Variants in PABPC4L observed in about 807,000 individuals in gnomAD.
The protein encoded by PABPC4L is polyadenylate-binding protein 4-like.
For missense variants in PABPC4L, 452 were observed against 451.4 expected (o/e 1.00, Z -0.01); for synonymous variants, 169 against 164.1 (o/e 1.03, Z -0.23).
chr4:134,024,157 T>G, the PABPC4L span, among the ~76,000 whole-genome samples: 3 of 152,118 alleles, frequency 2.0e-5, no homozygotes, highest in East Asian at 1.9e-4. Flanking sequence ...CCAGGTGCAT[T>G]TTTCAAACTC....
At chr4:134,062,931 C>T in the PABPC4L span, among the ~76,000 whole-genome samples, 3 of 152,018 alleles carry the variant, frequency 2.0e-5, no homozygotes, top group Non-Finnish European at 4.4e-5. Flanking sequence ...CATTTCACCA[C>T]AATGTTAATG....
At chr4:134,122,365 A>T in the PABPC4L span, among the ~76,000 whole-genome samples, 1 of 151,948 alleles carries the variant, frequency 6.6e-6, no homozygotes, top group Non-Finnish European at 1.5e-5. Context: ...TAACTTAAAA[A>T]TTATTTTACA....
chr4:134,176,238 T>G, the PABPC4L span, among the ~76,000 whole-genome samples: 15 of 152,070 alleles, frequency 9.9e-5, no homozygotes, highest in African/African-American at 3.4e-4. Context: ...AATAGAAAAC[T>G]CAAGTTATAT....
the PABPC4L span, among the ~76,000 whole-genome samples, chr4:134,072,049 G>A: frequency 6.6e-6 from 1 of 151,794 alleles, no homozygotes; most frequent in African/African-American, 2.4e-5. Context: ...TAATTCAATA[G>A]AACATTGTTC....
the PABPC4L span, among the ~76,000 whole-genome samples, chr4:134,184,038 TTAAG>T: frequency 6.6e-6 from 1 of 151,754 alleles, no homozygotes; most frequent in African/African-American, 2.4e-5. Context: ...CAAGACAATC[TTAAG>T]TAAGAAGAAA....
the PABPC4L span, among the ~76,000 whole-genome samples, chr4:134,112,632 A>C: frequency 6.6e-6 from 1 of 151,450 alleles, no homozygotes; most frequent in African/African-American, 2.4e-5. Context: ...CTATCTATAT[A>C]TCATCTATCT....
the PABPC4L span, among the ~76,000 whole-genome samples, chr4:134,000,557 C>G: frequency 6.6e-6 from 1 of 152,094 alleles, no homozygotes; most frequent in South Asian, 2.1e-4. Flanking sequence ...TTTTACGTGT[C>G]AAATTAACTG....
chr4:133,997,230 T>C, the PABPC4L span, among the ~76,000 whole-genome samples: 1 of 152,092 alleles, frequency 6.6e-6, no homozygotes, highest in African/African-American at 2.4e-5. Flanking sequence ...TCGCTTTAAA[T>C]CAAAAGCCAG....
At chr4:133,981,207 G>T in the PABPC4L span, among the ~76,000 whole-genome samples, 1 of 151,998 alleles carries the variant, frequency 6.6e-6, no homozygotes, top group African/African-American at 2.4e-5. Flanking sequence ...CCACTATGTT[G>T]AGTAAAGTTA....
At chr4:134,100,897 G>A in the PABPC4L span, among the ~76,000 whole-genome samples, 1 of 151,388 alleles carries the variant, frequency 6.6e-6, no homozygotes, top group African/African-American at 2.4e-5. Context: ...CTTTAATGGA[G>A]AATTTATTTA....
the PABPC4L span, among the ~76,000 whole-genome samples, chr4:134,150,698 G>A: frequency 0.7 from 105,677 of 151,960 alleles, 38,098 homozygotes; most frequent in East Asian, 1. Flanking sequence ...TCCAATCCAA[G>A]ATATGAAACC....
chr4:134,105,980 A>C, the PABPC4L span, among the ~76,000 whole-genome samples: 2 of 151,600 alleles, frequency 1.3e-5, no homozygotes, highest in Non-Finnish European at 3.0e-5. Flanking sequence ...CCTGCTTATA[A>C]ATTTTTCTAG....
chr4:133,967,792 C>T, the PABPC4L span, among the ~76,000 whole-genome samples: 8 of 152,120 alleles, frequency 5.3e-5, no homozygotes, highest in African/African-American at 1.9e-4. Flanking sequence ...CATCACAGAG[C>T]CCCTGAATAT....
At chr4:134,031,196 G>A in the PABPC4L span, among the ~76,000 whole-genome samples, 1 of 151,786 alleles carries the variant, frequency 6.6e-6, no homozygotes, top group Non-Finnish European at 1.5e-5. Flanking sequence ...ATCTGTTATA[G>A]TTTATAGTAC....
chr4:134,110,641 C>G, the PABPC4L span, among the ~76,000 whole-genome samples: 1 of 148,726 alleles, frequency 6.7e-6, no homozygotes, highest in South Asian at 2.1e-4. Flanking sequence ...GTTCTAGGAC[C>G]TTCTGTGGAT....
chr4:133,999,378 A>C, the PABPC4L span, among the ~76,000 whole-genome samples: 1 of 152,106 alleles, frequency 6.6e-6, no homozygotes, highest in East Asian at 1.9e-4. Context: ...ATTCCAATGC[A>C]GCCCTGGCTT....
chr4:134,054,025 G>A, the PABPC4L span, among the ~76,000 whole-genome samples: 1 of 151,226 alleles, frequency 6.6e-6, no homozygotes, highest in Non-Finnish European at 1.5e-5. Flanking sequence ...ATTCCTTCTG[G>A]TCATCTGCAG....
the PABPC4L span, among the ~76,000 whole-genome samples, chr4:134,170,337 A>C: frequency 6.6e-6 from 1 of 152,088 alleles, no homozygotes; most frequent in African/African-American, 2.4e-5. Context: ...CCATGTATTT[A>C]GTTTTTATGA....
chr4:134,173,884 A>C, the PABPC4L span, among the ~76,000 whole-genome samples: 1 of 152,082 alleles, frequency 6.6e-6, no homozygotes, highest in Non-Finnish European at 1.5e-5. Flanking sequence ...GTTTTTATAA[A>C]ATTTAACCTG....
Sources: gnomAD v4.1 joint callset for allele counts (sites outside exome capture counted in the v4.1 genomes callset) on GRCh38, gnomAD v4.1.1 for gene constraint, MANE v1.5 for transcripts, NCBI Gene and HGNC (gene_info 2026-07-23, HGNC 2026-07-21) for gene names.